L3MBTL4: variants seen among roughly 807,000 people sequenced by gnomAD.
L3MBTL4 encodes the protein lethal(3)malignant brain tumor-like protein 4.
In L3MBTL4, 70 loss-of-function variants were observed where a neutral mutation model predicts 84.5. That is an observed-to-expected ratio of 0.83 (90% CI 0.68 to 1.01). The LOEUF is 1.01. L3MBTL4 is among the 50% of genes least tolerant of loss of function. The pLI, the probability that L3MBTL4 is intolerant of heterozygous loss-of-function variation, is 0.00. For missense variants in L3MBTL4, 715 were observed against 754.8 expected, an observed-to-expected ratio of 0.95 and a Z score of 0.62; for synonymous variants, 274 against 259.8, an observed-to-expected ratio of 1.05 and a Z score of -0.52.
intron 1 of L3MBTL4, among the ~76,000 whole-genome samples, chr18:6,324,746 TG>T (rs2051625035): frequency 7.0e-6 from 1 of 143,222 alleles, no homozygotes; most frequent in Admixed American, 6.8e-5. Context: ...AAGCCCAGCC[TG>T]GATCATCAGC....
chr18:6,070,912 C>T (rs1016819182), intron 16 of L3MBTL4, among the ~76,000 whole-genome samples: 30 of 151,896 alleles, frequency 2.0e-4, no homozygotes, highest in African/African-American at 7.2e-4. Context: ...AAAAATGATT[C>T]TATATAAAGA....
chr18:5,988,622 C>T (rs1443899343), intron 16 of L3MBTL4, among the ~76,000 whole-genome samples: 1 of 152,060 alleles, frequency 6.6e-6, no homozygotes. Context: ...TCATCAATGT[C>T]CAGAGTAATG....
intron 13 of L3MBTL4, among the ~76,000 whole-genome samples, chr18:6,154,871 A>T (rs938153338): frequency 6.6e-6 from 1 of 152,200 alleles, no homozygotes; most frequent in African/African-American, 2.4e-5. Flanking sequence ...TACATAAAAG[A>T]TTCCTCTCCT....
chr18:6,407,852 A>G (rs2055798217), intron 1 of L3MBTL4, among the ~76,000 whole-genome samples: 1 of 152,180 alleles, frequency 6.6e-6, no homozygotes, highest in Admixed American at 6.5e-5. Flanking sequence ...GTAAAATTCC[A>G]CACCTCAGAG....
chr18:6,383,110 T>G (rs761387127), intron 1 of L3MBTL4, among the ~76,000 whole-genome samples: 75 of 152,226 alleles, frequency 4.9e-4, no homozygotes, highest in Non-Finnish European at 7.1e-4. Context: ...GTTTACACTG[T>G]GAGGGTAAAA....
intron 10 of L3MBTL4, among the ~76,000 whole-genome samples, chr18:6,237,443 A>ATTTTTT (rs1386641049): frequency 7.6e-6 from 1 of 132,038 alleles, no homozygotes; most frequent in African/African-American, 3.0e-5. Context: ...TGCCTAGTAC[A>ATTTTTT]TCTTTTTTTT....
At chr18:6,194,342 C>A (rs114417417) in intron 12 of L3MBTL4, among the ~76,000 whole-genome samples, 2,511 of 152,296 alleles carry the variant, frequency 0.016, 79 homozygotes, top group African/African-American at 0.058. Flanking sequence ...GCAGCCTTCC[C>A]GCCTCTGTAA....
chr18:6,307,718 A>G (rs1228483933), intron 3 of L3MBTL4, among the ~76,000 whole-genome samples: 1 of 152,224 alleles, frequency 6.6e-6, no homozygotes, highest in Non-Finnish European at 1.5e-5. Flanking sequence ...TTGAGAATGA[A>G]AAATGTCTCA....
intron 17 of L3MBTL4, among the ~76,000 whole-genome samples, chr18:5,966,367 G>T (rs1409912051): frequency 1.3e-5 from 2 of 152,064 alleles, no homozygotes; most frequent in Admixed American, 6.5e-5. Context: ...ACAACTCCAG[G>T]AACCCAGCCT....
intron 16 of L3MBTL4, among the ~76,000 whole-genome samples, chr18:5,974,708 T>C (rs894135664): frequency 6.6e-6 from 1 of 152,212 alleles, no homozygotes; most frequent in Non-Finnish European, 1.5e-5. Context: ...CTCACACTTG[T>C]AATTTCAGCA....
chr18:6,182,348 T>C (rs1165345581), intron 12 of L3MBTL4, among the ~76,000 whole-genome samples: 1 of 152,232 alleles, frequency 6.6e-6, no homozygotes, highest in Non-Finnish European at 1.5e-5. Context: ...ATGGGGTCAT[T>C]TGTTGCCTAC....
At position 6,301,938 on chromosome 18, in the gene L3MBTL4, T is replaced by C. The variant is rs145688137; in HGVS notation, c.92A>G (p.Lys31Arg). The change falls in exon 4 of 19, where the codon AAG (lysine) becomes AGG (arginine). Residue 31 changes from lysine (K) to arginine (R), a missense_variant. Physicochemically the swap from Lys to Arg is conservative, Grantham distance 26. Coordinates refer to ENST00000317931, the MANE Select transcript of L3MBTL4 (RefSeq NM_001330559.2). ...AGGGGTTGTGCTATCCTTGGGCTTC[T>C]TTTCCTCTTCAGCTTGCTCCTAGAA... ...DGRLEQAEEE[K>R]KPKDSTTPLS... is the part of the protein sequence containing the mutation. 4.6e-5 allele frequency: 74 copies of C among 1,612,454 alleles called. No homozygotes were observed. Among genetic ancestry groups the C allele is most frequent in the Middle Eastern group, 1.7e-4 (1 of 6,060 alleles).
At chr18:6,275,813 T>A (rs1257492388) in intron 4 of L3MBTL4, among the ~76,000 whole-genome samples, 2 of 152,186 alleles carry the variant, frequency 1.3e-5, no homozygotes, top group Admixed American at 1.3e-4. Flanking sequence ...TGCTCATTGG[T>A]TCAGCCAACA....
At chr18:6,071,391 TA>T (rs769840156) in intron 16 of L3MBTL4, among the ~76,000 whole-genome samples, 2,986 of 129,806 alleles carry the variant, frequency 0.023, 25 homozygotes, top group African/African-American at 0.028. Context: ...CTCTTTCAAT[TA>T]AAAAAAAAAA....
chr18:6,183,430 T>A (rs537610717), intron 12 of L3MBTL4, among the ~76,000 whole-genome samples: 1 of 152,352 alleles, frequency 6.6e-6, no homozygotes, highest in South Asian at 2.1e-4. Flanking sequence ...GTAAAGGTCG[T>A]TGCCTTTGTA....
rs780151754 is a variant in L3MBTL4, at chr18:6,213,237, G to T, written c.893C>A (p.Pro298Gln). The change falls in exon 12 of 19, where the codon CCA becomes CAA. Residue 298 changes from proline to glutamine, a missense_variant. Physicochemically the swap from Pro to Gln is moderately conservative, Grantham distance 76. Transcript: ENST00000317931. ...ATCCACAACTTCAAGTTTCATATTTGGCAGAAAACCATGAGGCAACCTCTG... is the reference window on the plus strand; with the variant it reads ...ATCCACAACTTCAAGTTTCATATTTTGCAGAAAACCATGAGGCAACCTCTG... ...FKMRLPHGFL[P>Q]NMKLEVVDKR... The T allele has an allele frequency of 1.5e-5, 24 of 1,608,128 alleles. No homozygotes were observed. Among genetic ancestry groups the T allele is most frequent in the Non-Finnish European group, 2.0e-5 (23 of 1,177,588 alleles).
intron 1 of L3MBTL4, among the ~76,000 whole-genome samples, chr18:6,370,011 G>A (rs566490156): frequency 2.3e-4 from 35 of 152,138 alleles, no homozygotes; most frequent in Middle Eastern, 6.8e-3. Flanking sequence ...GCACGTGCCT[G>A]TAGTCTCAGC....
Position 6,307,394 on chromosome 18 carries a change from G to A in L3MBTL4, c.72+4160C>T, listed in dbSNP as rs560225130. On this transcript the variant is annotated intron_variant, in intron 3 of 18. Coordinates refer to ENST00000317931, the MANE Select transcript of L3MBTL4 (RefSeq NM_001330559.2). ...GGAGATTGCAGTGAGCCGAGATTGC[G>A]CCACTGCACTCCAGCCTGGTGACAG... Among the ~76,000 whole-genome samples, 36 of 146,756 alleles carry A rather than the reference G, an allele frequency of 2.5e-4. No homozygotes were observed. In the South Asian group the frequency reaches 6.7e-3, roughly 27 times the overall value.
intron 16 of L3MBTL4, among the ~76,000 whole-genome samples, chr18:5,985,631 A>G (rs62076848): frequency 0.02 from 2,997 of 152,314 alleles, 46 homozygotes; most frequent in Non-Finnish European, 0.033. Flanking sequence ...TGTTTAAGTT[A>G]TAAAGGAAGG....
Sources: allele counts gnomAD v4.1 joint callset (sites outside exome capture counted in the v4.1 genomes callset), GRCh38; gene constraint gnomAD v4.1.1; transcripts MANE v1.5; gene names NCBI Gene and HGNC (gene_info 2026-07-23, HGNC 2026-07-21).